Variants in DENND4C observed in about 807,000 individuals in gnomAD.
DENND4C encodes DENN domain containing 4C.
In DENND4C, 108 loss-of-function variants were observed where a neutral mutation model predicts 203.0. The ratio of observed to expected loss-of-function variants is 0.53; its 90% CI spans 0.46 to 0.62. The LOEUF (loss-of-function observed/expected upper bound fraction) is 0.62, where lower values mean the gene tolerates loss of function less well. Ranked by LOEUF, DENND4C falls within the 20% of genes least tolerant of loss-of-function variation. The pLI is 0.00. For synonymous variants in DENND4C, 871 were observed against 792.4 expected (o/e 1.10, Z -1.67); for missense variants, 2,481 against 2,301.2 (o/e 1.08, Z -1.60).
intron 1 of DENND4C, among the ~76,000 whole-genome samples, chr9:19,245,427 AC>A (rs1337109859): frequency 6.7e-6 from 1 of 149,440 alleles, no homozygotes; most frequent in East Asian, 2.0e-4. Context: ...AGATGGCGCT[AC>A]TGCACTCCTG....
intron 24 of DENND4C, among the ~76,000 whole-genome samples, chr9:19,351,805 TA>T (rs1343290615): frequency 3.1e-3 from 394 of 127,436 alleles, no homozygotes; most frequent in Middle Eastern, 3.9e-3. Context: ...AGACTCCATC[TA>T]AAAAAAAAAA....
At chr9:19,339,903 T>G (rs1821239245) in intron 20 of DENND4C, among the ~76,000 whole-genome samples, 1 of 152,204 alleles carries the variant, frequency 6.6e-6, no homozygotes, top group South Asian at 2.1e-4. Flanking sequence ...ACTCCTGTTT[T>G]ATTCATTGAA....
At chr9:19,371,874 A>C in intron 32 of DENND4C, 54 bp downstream of exon 32, 2 of 1,364,864 alleles carry the variant, frequency 1.5e-6, no homozygotes, top group Non-Finnish European at 2.0e-6. Context: ...TATTTTCAAA[A>C]GTAATTTTTA....
rs371317477 is a variant in DENND4C, at chr9:19,306,854, C to G, written c.1487+1327C>G. Among the ~76,000 whole-genome samples the G allele has an allele frequency of 4.8e-4, 72 of 150,350 alleles. 1 individual carries two copies. The South Asian group carries it at 0.013, about 28-fold the overall frequency. The stretch of plus-strand genomic sequence containing the variant: ...GAGTTGCAGTGGTGCAATCCTGACT[C>G]TCTGCAGTCTCCGCCTCCTGGGATC... On this transcript the variant is annotated intron_variant, in intron 10 of 32. Transcript: ENST00000434457.
intron 1 of DENND4C, among the ~76,000 whole-genome samples, chr9:19,271,824 G>A (rs1427887510): frequency 2.0e-5 from 3 of 149,822 alleles, no homozygotes; most frequent in East Asian, 2.0e-4. Flanking sequence ...AGTTGAGATC[G>A]CGCCATTGCA....
intron 24 of DENND4C, among the ~76,000 whole-genome samples, chr9:19,351,742 G>C (rs1197096202): frequency 6.6e-6 from 1 of 151,434 alleles, no homozygotes; most frequent in Admixed American, 6.6e-5. Context: ...GGGAGGCAGA[G>C]GTTGCAGTGA....
intron 9 of DENND4C, among the ~76,000 whole-genome samples, 165 bp from the exon 10 acceptor site, chr9:19,305,187 A>G (rs1173559320): frequency 6.6e-6 from 1 of 152,134 alleles, no homozygotes; most frequent in Non-Finnish European, 1.5e-5. Context: ...TGTTCTTAGC[A>G]TTGCTTAGTA....
At chr9:19,258,098 A>G (rs1415342281) in intron 1 of DENND4C, among the ~76,000 whole-genome samples, 3 of 150,346 alleles carry the variant, frequency 2.0e-5, no homozygotes, top group African/African-American at 4.9e-5. Context: ...AGCCTGGGCA[A>G]CAGAGTAAGA....
intron 1 of DENND4C, among the ~76,000 whole-genome samples, chr9:19,253,321 C>T (rs1205264973): frequency 6.6e-6 from 1 of 152,222 alleles, no homozygotes; most frequent in African/African-American, 2.4e-5. Flanking sequence ...CTCTTAATAT[C>T]ATGCCCAACG....
intron 12 of DENND4C, among the ~76,000 whole-genome samples, chr9:19,322,204 T>A (rs188226116): frequency 6.6e-6 from 1 of 152,248 alleles, no homozygotes; most frequent in Non-Finnish European, 1.5e-5. Flanking sequence ...TGGTGAGGGA[T>A]GAAGGTATAA....
At chr9:19,244,507 G>A (rs1479467058) in intron 1 of DENND4C, among the ~76,000 whole-genome samples, 1 of 152,048 alleles carries the variant, frequency 6.6e-6, no homozygotes, top group Non-Finnish European at 1.5e-5. Flanking sequence ...TTGGGAGGCT[G>A]AGGCGGGAGG....
At chr9:19,270,643 G>A (rs1279676003) in intron 1 of DENND4C, among the ~76,000 whole-genome samples, 1 of 152,112 alleles carries the variant, frequency 6.6e-6, no homozygotes, top group African/African-American at 2.4e-5. Context: ...ATTGTGAATA[G>A]TGCTTCTGTG....
intron 31 of DENND4C, 185 bp from the exon 32 acceptor site, chr9:19,371,571 C>T (rs1329636076): frequency 5.1e-6 from 2 of 391,464 alleles, no homozygotes; most frequent in African/African-American, 4.3e-5. Flanking sequence ...GTAGCCTTCA[C>T]ACAGCTTCCT....
At position 19,244,000 on chromosome 9, in the gene DENND4C, G is replaced by C. The variant is rs115689925; in HGVS notation, c.-18+13167G>C. Among the ~76,000 whole-genome samples the C allele has an allele frequency of 6.0e-3, 911 of 152,122 alleles. 5 individuals carry two copies. The highest frequency in any genetic ancestry group is 0.021 in the African/African-American group (875 of 41,476). On this transcript the variant is annotated intron_variant, in intron 1 of 32. Coordinates refer to ENST00000434457, the MANE Select transcript of DENND4C (RefSeq NM_001330640.2). ...TAATTTTTAAAAATTTTTTTGTATA[G>C]TCAGGGTCTTACTGTGTTGTCCAGG...
chr9:19,352,234 T>C, intron 25 of DENND4C, 52 bp downstream of exon 25: 3 of 1,507,328 alleles, frequency 2.0e-6, no homozygotes, highest in Non-Finnish European at 2.8e-6. Context: ...CATATTTTTA[T>C]TTCAGAATGG....
intron 10 of DENND4C, among the ~76,000 whole-genome samples, chr9:19,314,326 C>G (rs1417308615): frequency 6.6e-6 from 1 of 151,290 alleles, no homozygotes; most frequent in Non-Finnish European, 1.5e-5. Context: ...TGGTGCCACA[C>G]GCCTGTAGTC....
chr9:19,323,818 A>C (rs1843286684), intron 12 of DENND4C, among the ~76,000 whole-genome samples: 1 of 152,194 alleles, frequency 6.6e-6, no homozygotes, highest in Non-Finnish European at 1.5e-5. Flanking sequence ...GATTTCAGTG[A>C]AGAGTTTGAT....
chr9:19,290,928 T>G, intron 5 of DENND4C, 52 bp downstream of exon 5: 2 of 1,538,310 alleles, frequency 1.3e-6, no homozygotes, highest in Non-Finnish European at 1.8e-6. Flanking sequence ...TTTTATTTCA[T>G]AAAAAGGTTA....
At chr9:19,367,071 A>C (rs1228236096) in intron 30 of DENND4C, among the ~76,000 whole-genome samples, 2 of 152,232 alleles carry the variant, frequency 1.3e-5, no homozygotes, top group African/African-American at 2.4e-5. Flanking sequence ...AAAATGTTCA[A>C]ATGGCCAAAA....
Sources: gnomAD v4.1 joint callset for allele counts (sites outside exome capture counted in the v4.1 genomes callset) on GRCh38, gnomAD v4.1.1 for gene constraint, MANE v1.5 for transcripts, NCBI Gene and HGNC (gene_info 2026-07-23, HGNC 2026-07-21) for gene names.